The following ATG4A variants were observed in gnomAD, a reference collection of about 807,000 sequenced individuals.
The protein encoded by ATG4A is autophagy related 4A cysteine peptidase.
A neutral mutation model predicts 38.4 loss-of-function variants in ATG4A; 22 were observed. The observed-to-expected ratio is 0.57, with a 90% CI of 0.41 to 0.82. The LOEUF (loss-of-function observed/expected upper bound fraction) is 0.82. Among genes scored for constraint, ATG4A ranks in the 40% least tolerant of loss-of-function variants. The pLI is 0.00. For synonymous variants in ATG4A, 86 were observed against 100.7 expected (o/e 0.85, Z 0.88); for missense variants, 220 against 290.0 (o/e 0.76, Z 1.75).
intron 1 of ATG4A, among the ~76,000 whole-genome samples, chrX:108,119,207 C>T (rs1038746053): frequency 2.7e-5 from 3 of 111,711 alleles, no homozygotes; most frequent in Non-Finnish European, 3.8e-5. Flanking sequence ...TTCTGAGATT[C>T]TGAAACTGTT....
intron 10 of ATG4A, among the ~76,000 whole-genome samples, chrX:108,150,882 A>AGT (rs1381951164): frequency 8.9e-5 from 10 of 112,157 alleles, no homozygotes; most frequent in African/African-American, 3.2e-4. Context: ...GGAGTCACTT[A>AGT]ATCTTTCTGA....
rs772513208 is a variant in ATG4A at position 108,150,587 on chromosome X, A to G, written c.960+290A>G. 9.7e-5 allele frequency among the ~76,000 whole-genome samples: 11 copies of G among 113,163 alleles called. No individual in the cohort carries two copies. The South Asian group carries it at 4.0e-3, about 41-fold the overall frequency. ...AGATGTTTAGTTAACTCACAGTTCC[A>G]CATGGCTGGGGAGGACTCCCAATCA... On this transcript the variant is annotated intron_variant, in intron 10 of 12. Coordinates refer to ENST00000372232, the MANE Select transcript of ATG4A (RefSeq NM_052936.5).
chrX:108,091,720 A>C (rs2031628402), upstream of ATG4A: 3 of 1,091,494 alleles, frequency 2.7e-6, no homozygotes, highest in Non-Finnish European at 2.5e-6. Context: ...TGCTGCCCTC[A>C]CAGACTTGGC....
Position 108,131,333 on chromosome X carries a change from C to T in ATG4A, c.267C>T (p.Ala89=), listed in dbSNP as rs2032947036. 2 of 1,211,306 alleles carry T rather than the reference C, an allele frequency of 1.7e-6. No homozygotes were observed. The highest frequency in any genetic ancestry group is 2.2e-6 in the Non-Finnish European group (2 of 895,275). ...LRCGQMMLAQ[A]LICRHLGRDW... ...GTGGACAGATGATGCTGGCTCAAGC[C>T]CTTATCTGTAGACACTTGGGAAGGG... Residue 89 remains alanine (A), a synonymous_variant, in exon 4 of 13, where the codon GCC becomes GCT. Coordinates refer to ENST00000372232, the MANE Select transcript of ATG4A (RefSeq NM_052936.5).
chrX:108,140,762 T>C (rs2033222298), intron 9 of ATG4A, among the ~76,000 whole-genome samples: 1 of 100,276 alleles, frequency 1.0e-5, no homozygotes. Context: ...TATATAAATG[T>C]ATATATAAAA....
chrX:108,147,200 G>A (rs1035986808), intron 9 of ATG4A, among the ~76,000 whole-genome samples: 1 of 111,417 alleles, frequency 9.0e-6, no homozygotes, highest in African/African-American at 3.3e-5. Flanking sequence ...CTCAGAGGAG[G>A]CCATCACTGT....
intron 1 of ATG4A, among the ~76,000 whole-genome samples, chrX:108,100,344 T>C (rs2031968637): frequency 9.0e-6 from 1 of 111,617 alleles, no homozygotes; most frequent in Non-Finnish European, 1.9e-5. Context: ...TTCTAGGGGG[T>C]TAAAAGGTAT....
chrX:108,095,219 G>A (rs1268176078), intron 1 of ATG4A, among the ~76,000 whole-genome samples: 1 of 110,666 alleles, frequency 9.0e-6, no homozygotes, highest in Non-Finnish European at 1.9e-5. Context: ...GAGCCACTGT[G>A]CCCAGCCTAT....
intron 1 of ATG4A, among the ~76,000 whole-genome samples, chrX:108,124,530 C>T (rs2032746670): frequency 9.2e-6 from 1 of 109,155 alleles, no homozygotes; most frequent in Non-Finnish European, 1.9e-5. Flanking sequence ...TGGCTCACTG[C>T]AACCTCGGCC....
At chrX:108,138,714 C>A (rs1486411554) in intron 9 of ATG4A, among the ~76,000 whole-genome samples, 2 of 112,092 alleles carry the variant, frequency 1.8e-5, no homozygotes, top group African/African-American at 6.5e-5. Flanking sequence ...GAAGGCACCT[C>A]TGGAAACCCA....
chrX:108,089,834 AAAAAATAAATAAAT>A (rs2031547458), upstream of ATG4A, among the ~76,000 whole-genome samples: 1 of 112,175 alleles, frequency 8.9e-6, no homozygotes. Flanking sequence ...ACTCTGTTTC[AAAAAATAAATAAAT>A]AAAAATAAAT....
At chrX:108,144,077 G>C (rs2033368829) in intron 9 of ATG4A, among the ~76,000 whole-genome samples, 1 of 110,429 alleles carries the variant, frequency 9.1e-6, no homozygotes, top group South Asian at 4.0e-4. Flanking sequence ...GAGTGCCTTG[G>C]TCAGAGTCTG....
chrX:108,095,711 CT>C (rs556952760), intron 1 of ATG4A, among the ~76,000 whole-genome samples: 27,378 of 80,783 alleles, frequency 0.34, 3,074 homozygotes, highest in African/African-American at 0.42. Context: ...TCTTTTCTTT[CT>C]TTTTTTTTTT....
chrX:108,149,956 T>A, intron 9 of ATG4A, 196 bp from the exon 10 acceptor site: 1 of 424,535 alleles, frequency 2.4e-6, no homozygotes, highest in Non-Finnish European at 4.0e-6. Context: ...CTAGGGCACA[T>A]CTTCTCATTG....
chrX:108,115,090 T>C (rs948194045), intron 1 of ATG4A, among the ~76,000 whole-genome samples: 5 of 105,710 alleles, frequency 4.7e-5, no homozygotes, highest in Non-Finnish European at 9.6e-5. Context: ...TTAGATTTGA[T>C]GTGTATGTGT....
chrX:108,153,280 A>C (rs1156400655), intron 12 of ATG4A, among the ~76,000 whole-genome samples, 193 bp downstream of exon 12: 3 of 112,530 alleles, frequency 2.7e-5, no homozygotes, highest in Non-Finnish European at 5.6e-5. Flanking sequence ...GAATGATAAT[A>C]GAAGAAAATG....
chrX:108,140,427 G>A (rs746181190), intron 9 of ATG4A, among the ~76,000 whole-genome samples: 3 of 110,060 alleles, frequency 2.7e-5, no homozygotes, highest in African/African-American at 9.9e-5. Flanking sequence ...ACTGTTTGAG[G>A]TTGAGTGGTC....
rs748772447 is a variant in ATG4A, at chrX:108,115,118, C to CGTGT, written c.11-10928_11-10925dup. Among the ~76,000 whole-genome samples the CGTGT allele has an allele frequency of 5.9e-3, 528 of 90,180 alleles. 4 individuals carry two copies. The highest frequency in any genetic ancestry group is 0.018 in the East Asian group (50 of 2,759). 78.3% of individuals were successfully genotyped at this position (90,180 alleles called of 115,157 possible). A position where few individuals can be genotyped will look rare whatever the true frequency, so the allele number is the denominator to read the frequency against. ...GTATGTGTGCATGTGTGCATGTATG[C>CGTGT]GTGTGTGTGTGTGTGTGTGTGTGTG... is the stretch of plus-strand genomic sequence containing the variant. On this transcript the variant is annotated intron_variant, in intron 1 of 12. Transcript: ENST00000372232.
At chrX:108,128,073 C>T (rs1000683816) in intron 2 of ATG4A, among the ~76,000 whole-genome samples, 1 of 112,266 alleles carries the variant, frequency 8.9e-6, no homozygotes, top group Admixed American at 9.4e-5. Context: ...CATGAACAGA[C>T]ACACATGCAT....
Sources: allele counts gnomAD v4.1 joint callset (sites outside exome capture counted in the v4.1 genomes callset), GRCh38; gene constraint gnomAD v4.1.1; transcripts MANE v1.5; gene names NCBI Gene and HGNC (gene_info 2026-07-23, HGNC 2026-07-21).